PPL: variants seen among roughly 807,000 people sequenced by gnomAD.
The protein encoded by PPL is 190 kDa paraneoplastic pemphigus antigen.
In PPL, 198 loss-of-function variants were observed where a neutral mutation model predicts 194.4. That is an observed-to-expected ratio of 1.02 (90% CI 0.91 to 1.15). The LOEUF (loss-of-function observed/expected upper bound fraction) is 1.15. Among genes scored for constraint, PPL ranks in the 50% most tolerant of loss-of-function variants. The pLI is 0.00. For synonymous variants in PPL, 1,220 were observed against 972.4 expected (o/e 1.25, Z -4.74); for missense variants, 2,885 against 2,294.8 (o/e 1.26, Z -5.25).
intron 1 of PPL, among the ~76,000 whole-genome samples, chr16:4,915,593 G>A (rs1316911853): frequency 2.6e-5 from 4 of 152,316 alleles, no homozygotes; most frequent in East Asian, 3.9e-4. Context: ...GGTGAACCGC[G>A]ATTCTCCCCG....
At chr16:4,895,807 G>A in intron 9 of PPL, 91 bp from the exon 10 acceptor site, 1 of 1,571,276 alleles carries the variant, frequency 6.4e-7, no homozygotes, top group Non-Finnish European at 8.7e-7. Context: ...CTCAGGCGGG[G>A]CTGGGCCTCC....
At chr16:4,928,016 G>A (rs888093815) in intron 1 of PPL, among the ~76,000 whole-genome samples, 1 of 152,228 alleles carries the variant, frequency 6.6e-6, no homozygotes, top group South Asian at 2.1e-4. Context: ...TGAGGTGGGA[G>A]GATTCATAGC....
In PPL at chr16:4,883,806, T is replaced by G. The variant is rs1289308808; in HGVS notation, c.4849A>C (p.Arg1617=). ...NHDSRLWSLE[R]ELDDLKRLSK... is the part of the protein sequence containing the mutation. ...AGCCTCTTGAGGTCATCCAGTTCCC[T>G]CTCCAGGGACCACAGTCTGGAGTCA... The change falls in exon 22 of 22, where the codon AGG becomes CGG. Residue 1617 remains arginine, a synonymous_variant. Transcript: ENST00000345988. This position sits in a 1 kb window ranked among gnomAD's most constrained non-coding sequence, Gnocchi z 4.8. The G allele has an allele frequency of 6.2e-7, 1 of 1,614,068 alleles. No homozygotes were observed. Among genetic ancestry groups the G allele is most frequent in the African/African-American group, 1.3e-5 (1 of 75,032 alleles).
chr16:4,885,944 T>G lies in PPL; in HGVS notation c.2711A>C (p.Glu904Ala), dbSNP rs758546428. The G allele has an allele frequency of 3.0e-5, 49 of 1,613,346 alleles. No individual in the cohort carries two copies. The highest frequency in any genetic ancestry group is 4.0e-5 in the Non-Finnish European group (47 of 1,180,046). ...CTCGTTCTCCAGCTGCCGCCTCCGC[T>G]CAGTCTCCTCATCCAGTTCCTTCCT... ...KIRKELDEET[E>A]RRRQLENEVK... is the part of the protein sequence containing the mutation. The change falls in exon 22 of 22, where the codon GAG becomes GCG. Residue 904 changes from glutamate (E) to alanine (A), a missense_variant. Glu to Ala is a moderately radical substitution (Grantham distance 107). Transcript: ENST00000345988. The surrounding 1 kb of genome is among the most constrained non-coding windows in gnomAD (Gnocchi z 6.3).
intron 17 of PPL, among the ~76,000 whole-genome samples, 179 bp from the exon 18 acceptor site, chr16:4,890,513 G>C (rs904442960): frequency 2.5e-4 from 38 of 152,238 alleles, no homozygotes; most frequent in Admixed American, 3.3e-4. Flanking sequence ...AACCAGGTGG[G>C]TCCATATACA....
At chr16:4,905,311 G>GC (rs2088660321) in intron 2 of PPL, among the ~76,000 whole-genome samples, 1 of 152,230 alleles carries the variant, frequency 6.6e-6, no homozygotes, top group South Asian at 2.1e-4. Flanking sequence ...CCTGGAAGAC[G>GC]TTATTCAAAG....
chr16:4,886,068 C>T (rs774364841), intron 21 of PPL, 21 bp from the exon 22 acceptor site: 3 of 1,613,516 alleles, frequency 1.9e-6, no homozygotes, highest in South Asian at 2.2e-5. Context: ...GAAGACAAGA[C>T]AAGGTTAAAG....
intron 1 of PPL, among the ~76,000 whole-genome samples, chr16:4,934,404 G>C (rs11640160): frequency 6.6e-6 from 1 of 152,068 alleles, no homozygotes; most frequent in African/African-American, 2.4e-5. Flanking sequence ...CCCTGGGCTC[G>C]GAAAGGGCTG....
rs771290495 is a variant in PPL, at chr16:4,895,245, A to C, written c.1242+16T>G. On this transcript the variant is annotated intron_variant, in intron 11 of 21. Transcript: ENST00000345988. ...AACTTTGTAGTGATGTGAACAGAGG[A>C]GCTGGCCCCACGCACCTGCTCCCCC... 1.3e-6 allele frequency: 2 copies of C among 1,594,232 alleles called. No individual in the cohort carries two copies. The highest frequency in any genetic ancestry group is 1.7e-6 in the Non-Finnish European group (2 of 1,169,752).
chr16:4,926,182 T>C (rs748954161), intron 1 of PPL, among the ~76,000 whole-genome samples: 18 of 152,200 alleles, frequency 1.2e-4, no homozygotes, highest in Admixed American at 5.9e-4. Context: ...CCATTGCAGA[T>C]GAGGAAACTG....
intron 16 of PPL, 112 bp downstream of exon 16, chr16:4,891,699 A>C: frequency 7.2e-7 from 1 of 1,398,458 alleles, no homozygotes. Flanking sequence ...GGCATTCCAA[A>C]CCTGGGGAGA....
chr16:4,933,819 T>C (rs1363306507), intron 1 of PPL, among the ~76,000 whole-genome samples: 1 of 152,212 alleles, frequency 6.6e-6, no homozygotes, highest in Non-Finnish European at 1.5e-5. Context: ...TATGGAATTG[T>C]GCAGTGCACA....
chr16:4,930,436 G>A (rs929029308), intron 1 of PPL, among the ~76,000 whole-genome samples: 16 of 152,302 alleles, frequency 1.1e-4, no homozygotes, highest in Admixed American at 2.6e-4. Context: ...CCCCACCTCC[G>A]GGCTCTGCTG....
At chr16:4,910,812 C>T (rs760357451) in intron 2 of PPL, 38 bp downstream of exon 2, 31 of 1,560,224 alleles carry the variant, frequency 2.0e-5, no homozygotes, top group Middle Eastern at 1.7e-4. Flanking sequence ...GCTGGCAGCA[C>T]GGGGCACCCA....
rs182168023 is a variant in PPL, at chr16:4,935,749, G to C, written c.62+1235C>G. Among the ~76,000 whole-genome samples the C allele has an allele frequency of 1.6e-3, 242 of 152,346 alleles. 1 individual carries two copies. The highest frequency in any genetic ancestry group is 5.6e-3 in the African/African-American group (234 of 41,588). On this transcript the variant is annotated intron_variant, in intron 1 of 21. Coordinates refer to ENST00000345988, the MANE Select transcript of PPL (RefSeq NM_002705.5). ...AGGGCCCCGCCGCCTGCACCTGTCC[G>C]ACTGGTCGGCCTAGGCCGGACTGCA...
chr16:4,891,926 T>G lies in PPL; in HGVS notation c.1853A>C (p.Glu618Ala), dbSNP rs530585953. ...QEKVDVANRL[E>A]KSLQQSWELL... Reference sequence around the variant, plus strand: ...CTCCCAGCTCTGCTGCAGGCTCTTCTCCAGGCGGTTGGCCACATCAACCCT... The same window carrying G: ...CTCCCAGCTCTGCTGCAGGCTCTTCGCCAGGCGGTTGGCCACATCAACCCT... Residue 618 changes from glutamate (E) to alanine (A), a missense_variant, in exon 16 of 22, where the codon GAG (glutamate) becomes GCG (alanine). Glu to Ala is a moderately radical substitution (Grantham distance 107). Coordinates refer to ENST00000345988, the MANE Select transcript of PPL (RefSeq NM_002705.5). 27 of 1,613,270 alleles carry G rather than the reference T, an allele frequency of 1.7e-5. No individual in the cohort carries two copies. In the South Asian group the frequency reaches 2.7e-4, roughly 16 times the overall value.
At chr16:4,927,251 G>C (rs1216147893) in intron 1 of PPL, among the ~76,000 whole-genome samples, 2 of 152,200 alleles carry the variant, frequency 1.3e-5, no homozygotes, top group Non-Finnish European at 2.9e-5. Context: ...ATAAAGAATG[G>C]AGAGTGACAT....
chr16:4,895,126 G>C, intron 11 of PPL, 135 bp downstream of exon 11: 2 of 1,174,044 alleles, frequency 1.7e-6, no homozygotes. Context: ...CCTGCACCAG[G>C]GGAAGGGTTG....
At chr16:4,890,576 CAA>C in intron 17 of PPL, 150 bp downstream of exon 17, 1 of 1,094,870 alleles carries the variant, frequency 9.1e-7, no homozygotes, top group Non-Finnish European at 1.3e-6. Context: ...AAGCATGACT[CAA>C]AAGAGAGACC....
Sources: allele counts gnomAD v4.1 joint callset (sites outside exome capture counted in the v4.1 genomes callset), GRCh38; gene constraint gnomAD v4.1.1; non-coding constraint Gnocchi (gnomAD v3.1); transcripts MANE v1.5; gene names NCBI Gene and HGNC (gene_info 2026-07-23, HGNC 2026-07-21).